The following LY86 variants were observed in gnomAD, a reference collection of about 807,000 sequenced individuals.
LY86 encodes MD-1, RP105-associated.
In LY86, 20 loss-of-function variants were observed where a neutral mutation model predicts 17.3. That is an observed-to-expected ratio of 1.15 (90% CI 0.81 to 1.68). The LOEUF (loss-of-function observed/expected upper bound fraction) is 1.68. Among genes scored for constraint, LY86 ranks in the 40% most tolerant of loss-of-function variants. The probability of loss-of-function intolerance (pLI) is 0.00; values close to 1 mark genes in which losing one functional copy is unlikely to be tolerated. For synonymous variants in LY86, 74 were observed against 70.6 expected (o/e 1.05, Z -0.24); for missense variants, 200 against 191.9 (o/e 1.04, Z -0.25).
chr6:6,653,238 G>A (rs1442973309), intron 4 of LY86, among the ~76,000 whole-genome samples: 1 of 152,050 alleles, frequency 6.6e-6, no homozygotes, highest in Non-Finnish European at 1.5e-5. Context: ...CTAGAAAGTT[G>A]CTCCCTTCTA....
At chr6:6,637,267 T>C (rs1454798503) in intron 3 of LY86, among the ~76,000 whole-genome samples, 1 of 152,146 alleles carries the variant, frequency 6.6e-6, no homozygotes, top group Non-Finnish European at 1.5e-5. Context: ...CACCTCGGCC[T>C]CCCAAAGTGC....
chr6:6,629,659 C>A (rs1312937100), intron 3 of LY86, among the ~76,000 whole-genome samples: 1 of 152,202 alleles, frequency 6.6e-6, no homozygotes. Context: ...TTCTCCAAGC[C>A]AAATAAAACA....
intron 1 of LY86, among the ~76,000 whole-genome samples, chr6:6,609,082 C>T (rs938367883): frequency 2.6e-5 from 4 of 152,182 alleles, no homozygotes; most frequent in African/African-American, 9.7e-5. Context: ...AACCGCAGCT[C>T]TGCTTTTCCC....
At chr6:6,613,224 C>G (rs897106925) in intron 1 of LY86, among the ~76,000 whole-genome samples, 3 of 144,950 alleles carry the variant, frequency 2.1e-5, no homozygotes, top group African/African-American at 2.6e-5. Flanking sequence ...CCCAGTGGAT[C>G]CGGCACTAGG....
intron 1 of LY86, among the ~76,000 whole-genome samples, chr6:6,601,580 C>T (rs755474142): frequency 2.0e-5 from 3 of 152,150 alleles, no homozygotes; most frequent in African/African-American, 2.4e-5. Context: ...ATTAGCCAGG[C>T]GCAGTGGTGG....
Position 6,624,946 on chromosome 6 carries a change from T to A in LY86, c.157T>A (p.Phe53Ile), listed in dbSNP as rs768904537. Reference protein sequence around the residue: ...QSCDPLQDFGFSVEKCSKQLK... With the variant: ...QSCDPLQDFGISVEKCSKQLK... ...CGTAGATCCATTACAAGATTTTGGC[T>A]TTTCTGTTGAAAAGTGTTCCAAGCA... is the stretch of plus-strand genomic sequence containing the variant. The change falls in exon 2 of 5, where the codon TTT becomes ATT. Residue 53 changes from phenylalanine (F) to isoleucine (I), a missense_variant. By Grantham distance (21) the Phe-to-Ile change is conservative. Coordinates refer to ENST00000230568, the MANE Select transcript of LY86 (RefSeq NM_004271.4). The A allele has an allele frequency of 1.3e-6, 2 of 1,562,052 alleles. No individual in the cohort carries two copies. Among genetic ancestry groups the A allele is most frequent in the Non-Finnish European group, 1.8e-6 (2 of 1,139,194 alleles).
chr6:6,606,037 A>G (rs536115536), intron 1 of LY86, among the ~76,000 whole-genome samples: 132 of 152,206 alleles, frequency 8.7e-4, no homozygotes, highest in African/African-American at 3.1e-3. Context: ...ACGTAATACT[A>G]CTCAAGCAGG....
At chr6:6,623,234 G>A (rs1761718378) in intron 1 of LY86, among the ~76,000 whole-genome samples, 1 of 152,186 alleles carries the variant, frequency 6.6e-6, no homozygotes, top group East Asian at 1.9e-4. Context: ...CAGAGGTTGT[G>A]GGGATTAGAA....
At chr6:6,654,493 T>A in intron 4 of LY86, 51 bp from the exon 5 acceptor site, 2 of 1,329,984 alleles carry the variant, frequency 1.5e-6, no homozygotes, top group Non-Finnish European at 1.1e-6. Flanking sequence ...TGTTAAATGG[T>A]TAATTGTACT....
chr6:6,590,212 C>G (rs1358491072), intron 1 of LY86, among the ~76,000 whole-genome samples: 3 of 151,236 alleles, frequency 2.0e-5, no homozygotes, highest in Middle Eastern at 3.5e-3. Flanking sequence ...GGAATACGTT[C>G]CAAGACTCCC....
chr6:6,635,682 C>A (rs772945509), intron 3 of LY86, among the ~76,000 whole-genome samples: 2 of 152,222 alleles, frequency 1.3e-5, no homozygotes, highest in Non-Finnish European at 2.9e-5. Flanking sequence ...TCATTCCCAA[C>A]CTTCCCCAAT....
intron 3 of LY86, among the ~76,000 whole-genome samples, chr6:6,626,981 T>C (rs2113142506): frequency 6.6e-6 from 1 of 152,324 alleles, no homozygotes; most frequent in African/African-American, 2.4e-5. Context: ...CCGCCTGCCA[T>C]ACAGCCTTGA....
At chr6:6,601,102 G>A (rs979784515) in intron 1 of LY86, among the ~76,000 whole-genome samples, 3 of 152,174 alleles carry the variant, frequency 2.0e-5, no homozygotes, top group East Asian at 1.9e-4. Context: ...CAAGTATCAG[G>A]TATCCTAACA....
At chr6:6,640,477 C>T (rs932784056) in intron 3 of LY86, among the ~76,000 whole-genome samples, 1 of 151,836 alleles carries the variant, frequency 6.6e-6, no homozygotes, top group Non-Finnish European at 1.5e-5. Context: ...CCAGCAGCTA[C>T]AGAGGCTGCG....
At chr6:6,612,498 A>C (rs1761402136) in intron 1 of LY86, among the ~76,000 whole-genome samples, 3 of 148,372 alleles carry the variant, frequency 2.0e-5, no homozygotes, top group Admixed American at 2.0e-4. Context: ...AAACAACAAA[A>C]ACACTTACTG....
chr6:6,613,400 C>T (rs893051155), intron 1 of LY86, among the ~76,000 whole-genome samples: 1 of 152,162 alleles, frequency 6.6e-6, no homozygotes, highest in Non-Finnish European at 1.5e-5. Context: ...GAGGAGACTT[C>T]AGGCATGGTG....
chr6:6,604,280 A>C (rs987988591), intron 1 of LY86, among the ~76,000 whole-genome samples: 2 of 152,222 alleles, frequency 1.3e-5, no homozygotes, highest in East Asian at 3.8e-4. Flanking sequence ...AGAATTCTAC[A>C]TCCAAAGATA....
At chr6:6,605,867 G>T (rs1473680533) in intron 1 of LY86, among the ~76,000 whole-genome samples, 1 of 151,066 alleles carries the variant, frequency 6.6e-6, no homozygotes, top group South Asian at 2.1e-4. Context: ...GGCATCTGGA[G>T]CTCTTCGTTT....
At chr6:6,602,952 T>C (rs887049454) in intron 1 of LY86, among the ~76,000 whole-genome samples, 32 of 152,202 alleles carry the variant, frequency 2.1e-4, no homozygotes, top group African/African-American at 6.5e-4. Context: ...AAAAGTACTT[T>C]AGATCGTGTA....
Sources: allele counts gnomAD v4.1 joint callset (sites outside exome capture counted in the v4.1 genomes callset), GRCh38; gene constraint gnomAD v4.1.1; transcripts MANE v1.5; gene names NCBI Gene and HGNC (gene_info 2026-07-23, HGNC 2026-07-21).